The following TRAPPC12 variants were observed in gnomAD, a reference collection of about 807,000 sequenced individuals.
TRAPPC12 encodes TPR repeat protein 15.
Under a neutral mutation model 69.2 loss-of-function variants are expected in TRAPPC12, and 61 were observed. That is an observed-to-expected ratio of 0.88 (90% CI 0.72 to 1.09). The LOEUF is 1.09. TRAPPC12 is among the 50% of genes least tolerant of loss of function. The pLI is 0.00. For synonymous variants in TRAPPC12, 469 were observed against 438.9 expected (o/e 1.07, Z -0.86); for missense variants, 1,101 against 1,016.4 (o/e 1.08, Z -1.13).
intron 5 of TRAPPC12, among the ~76,000 whole-genome samples, chr2:3,438,380 GATCCCCCATCACCCCTGGATTA>G (rs1322159052): frequency 2.3e-4 from 15 of 65,144 alleles, no homozygotes; most frequent in South Asian, 5.5e-4. Flanking sequence ...CCCCTGGATT[GATCCCCCATCACCCCTGGATTA>G]ATCCCCCATC....
chr2:3,416,321 C>T (rs922481036), intron 3 of TRAPPC12, among the ~76,000 whole-genome samples: 2 of 152,146 alleles, frequency 1.3e-5, no homozygotes, highest in Admixed American at 6.5e-5. Flanking sequence ...GCATTCGCAC[C>T]GTGACTTCCA....
At position 3,465,516 on chromosome 2, in the gene TRAPPC12, A is replaced by G. The variant is rs375461751; in HGVS notation, c.1678-81A>G. The G allele has an allele frequency of 3.9e-5, 38 of 978,222 alleles. No individual in the cohort carries two copies. The African/African-American group carries it at 5.3e-4, about 14-fold the overall frequency. The allele number at this position is 978,222 out of a possible 1,614,324, so 60.6% of individuals were successfully genotyped here. On this transcript the variant is annotated intron_variant, in intron 8 of 11. Coordinates refer to ENST00000324266, the MANE Select transcript of TRAPPC12 (RefSeq NM_016030.6). ...TGTCCTCTCTCTACACCGCGTCTGT[A>G]TACACTTGTGCTCTTCTACACGTGT...
intron 8 of TRAPPC12, chr2:3,463,200 T>C (rs567858971): frequency 6.8e-5 from 20 of 295,904 alleles, no homozygotes; most frequent in African/African-American, 4.3e-4. Context: ...AATAAAGTCA[T>C]TAAGTAACCG....
rs1666447743 is a variant in TRAPPC12, at chr2:3,479,401, G to A, written c.2148G>A (p.Leu716=). Residue 716 remains leucine (L), a synonymous_variant, in exon 12 of 12, where the codon CTG becomes CTA. Coordinates refer to ENST00000324266, the MANE Select transcript of TRAPPC12 (RefSeq NM_016030.6). ...GCATGCAGAAGAAACAGGCCCTGCT[G>A]GAGGCTGTCGCCGGCAAGGAGGGGG... is the stretch of plus-strand genomic sequence containing the variant. ...SRSMQKKQAL[L]EAVAGKEGDS... 1.2e-6 allele frequency: 2 copies of A among 1,614,158 alleles called. No individual in the cohort carries two copies. Among genetic ancestry groups the A allele is most frequent in the Non-Finnish European group, 1.7e-6 (2 of 1,180,046 alleles).
At chr2:3,446,506 G>T (rs1664515253) in intron 6 of TRAPPC12, among the ~76,000 whole-genome samples, 2 of 152,240 alleles carry the variant, frequency 1.3e-5, no homozygotes, top group African/African-American at 4.8e-5. Context: ...AGTCAGCCTT[G>T]CCTGTCCGCC....
Position 3,414,952 on chromosome 2 carries a change from A to G in TRAPPC12, c.1165-6929A>G, listed in dbSNP as rs570955807. Among the ~76,000 whole-genome samples, 6 of 151,922 alleles carry G rather than the reference A, an allele frequency of 3.9e-5. No homozygotes were observed. The highest frequency in any genetic ancestry group is 3.4e-3 in the Middle Eastern group (1 of 294). On this transcript the variant is annotated intron_variant, in intron 3 of 11. Transcript: ENST00000324266. This position sits in a 1 kb window ranked among gnomAD's most constrained non-coding sequence, Gnocchi z 4.9. ...GAAACACAGTGAGGTATGCACAGCAACCTTTCAGCTGTGGTTGGTTGAATC... is the reference window on the plus strand; with the variant it reads ...GAAACACAGTGAGGTATGCACAGCAGCCTTTCAGCTGTGGTTGGTTGAATC...
chr2:3,387,302 C>T (rs957986687), intron 1 of TRAPPC12, among the ~76,000 whole-genome samples: 2 of 152,038 alleles, frequency 1.3e-5, no homozygotes, highest in Admixed American at 1.3e-4. Context: ...CGGGTGATTC[C>T]ACTTATTTTA....
chr2:3,416,008 G>A (rs1051736017), intron 3 of TRAPPC12, among the ~76,000 whole-genome samples: 2 of 152,136 alleles, frequency 1.3e-5, no homozygotes, highest in East Asian at 1.9e-4. Context: ...GAGCCACCAC[G>A]CCTGGCCCAC....
intron 3 of TRAPPC12, among the ~76,000 whole-genome samples, chr2:3,419,569 G>C (rs1336536889): frequency 6.6e-6 from 1 of 151,366 alleles, no homozygotes; most frequent in Non-Finnish European, 1.5e-5. Context: ...ACTTGGTCCA[G>C]TGGCCGCACA....
rs1662232475 is a variant in TRAPPC12, at chr2:3,414,483, C to A, written c.1165-7398C>A. On this transcript the variant is annotated intron_variant, in intron 3 of 11. Transcript: ENST00000324266. This position sits in a 1 kb window ranked among gnomAD's most constrained non-coding sequence, Gnocchi z 4.9. ...TGCCGCCACCCTGGGGTCTGCCACT[C>A]TGGGGTCCAGCCTCTAGCTCCAGCT... Among the ~76,000 whole-genome samples, 2 of 152,096 alleles carry A rather than the reference C, an allele frequency of 1.3e-5. No individual in the cohort carries two copies. Among genetic ancestry groups the A allele is most frequent in the South Asian group, 4.1e-4 (2 of 4,826 alleles).
chr2:3,432,766 G>A (rs908100372), intron 5 of TRAPPC12, among the ~76,000 whole-genome samples: 3 of 152,164 alleles, frequency 2.0e-5, no homozygotes, highest in African/African-American at 7.2e-5. Context: ...TAAAAATAGG[G>A]GAATTTTCAG....
chr2:3,386,929 G>C (rs1660520627), intron 1 of TRAPPC12, among the ~76,000 whole-genome samples: 1 of 152,150 alleles, frequency 6.6e-6, no homozygotes, highest in Non-Finnish European at 1.5e-5. Flanking sequence ...CACTGTTGGT[G>C]GGAATGACAA....
chr2:3,458,115 G>C, intron 7 of TRAPPC12: 1 of 1,029,032 alleles, frequency 9.7e-7, no homozygotes, highest in Non-Finnish European at 1.2e-6. Context: ...AGGAGGAGCT[G>C]GAGAGGAAGG....
At chr2:3,383,501 C>T (rs552420740) in intron 1 of TRAPPC12, among the ~76,000 whole-genome samples, 11 of 149,624 alleles carry the variant, frequency 7.4e-5, no homozygotes, top group East Asian at 6.1e-4. Context: ...TGGGTTCAAG[C>T]GATTCTCCTG....
chr2:3,468,832 C>T (rs1249178650), intron 9 of TRAPPC12, among the ~76,000 whole-genome samples: 2 of 152,242 alleles, frequency 1.3e-5, no homozygotes, highest in African/African-American at 4.8e-5. Context: ...CTGGCGCACC[C>T]TGCTCACCCC....
intron 5 of TRAPPC12, among the ~76,000 whole-genome samples, chr2:3,433,516 A>G (rs1663564464): frequency 6.6e-6 from 1 of 152,220 alleles, no homozygotes; most frequent in South Asian, 2.1e-4. Flanking sequence ...AAGGCTGCAG[A>G]GAGGATGTGA....
chr2:3,382,079 A>G (rs1660235968), intron 1 of TRAPPC12, among the ~76,000 whole-genome samples: 1 of 151,056 alleles, frequency 6.6e-6, no homozygotes, highest in Non-Finnish European at 1.5e-5. Flanking sequence ...CTAGTATACC[A>G]CAGTCTACTT....
chr2:3,444,496 T>G (rs1664404781), intron 6 of TRAPPC12, among the ~76,000 whole-genome samples: 1 of 152,268 alleles, frequency 6.6e-6, no homozygotes. Context: ...GTCTACAGGT[T>G]GTTATAGAGT....
intron 5 of TRAPPC12, among the ~76,000 whole-genome samples, chr2:3,442,499 C>T (rs1664278263): frequency 6.6e-6 from 1 of 152,106 alleles, no homozygotes; most frequent in African/African-American, 2.4e-5. Context: ...TCTAGAAAAC[C>T]GAAGTGACTC....
Sources: allele counts gnomAD v4.1 joint callset (sites outside exome capture counted in the v4.1 genomes callset), GRCh38; gene constraint gnomAD v4.1.1; non-coding constraint Gnocchi (gnomAD v3.1); transcripts MANE v1.5; gene names NCBI Gene and HGNC (gene_info 2026-07-23, HGNC 2026-07-21).